Variants in LINGO2 observed in about 807,000 individuals in gnomAD.
LINGO2 encodes leucine rich repeat and Ig domain containing 2, also known as leucine-rich repeat and immunoglobulin-like domain-containing nogo receptor-interacting protein 2.
A neutral mutation model predicts 30.6 loss-of-function variants in LINGO2; 14 were observed. The observed-to-expected ratio is 0.46, with a 90% CI of 0.30 to 0.72. LINGO2 has a LOEUF of 0.72. Ranked by LOEUF, LINGO2 falls within the 30% of genes least tolerant of loss-of-function variation. The pLI is 0.07. For missense variants in LINGO2, 729 were observed against 751.7 expected (o/e 0.97, Z 0.35); for synonymous variants, 317 against 288.5 (o/e 1.10, Z -1.00).
chr9:28,948,005 T>A, the LINGO2 span, among the ~76,000 whole-genome samples: 1 of 152,058 alleles, frequency 6.6e-6, no homozygotes, highest in African/African-American at 2.4e-5. Flanking sequence ...CACATCATTC[T>A]CCATCTTGCT....
the LINGO2 span, among the ~76,000 whole-genome samples, chr9:29,069,950 G>T: frequency 6.6e-6 from 1 of 151,706 alleles, no homozygotes; most frequent in Non-Finnish European, 1.5e-5. Flanking sequence ...ACAGCCAGGC[G>T]GGATAGTTAT....
intron 1 of LINGO2, among the ~76,000 whole-genome samples, chr9:28,499,607 C>A (rs62557823): frequency 6.6e-6 from 1 of 152,124 alleles, no homozygotes; most frequent in Non-Finnish European, 1.5e-5. Flanking sequence ...TTTTACTAAT[C>A]CTAGTTTTCT....
the LINGO2 span, among the ~76,000 whole-genome samples, chr9:29,189,763 A>G: frequency 2.0e-5 from 3 of 152,094 alleles, no homozygotes; most frequent in South Asian, 2.1e-4. Context: ...CAATCCCGGC[A>G]CCTCGGGAGG....
the LINGO2 span, among the ~76,000 whole-genome samples, chr9:28,683,731 T>A: frequency 6.6e-6 from 1 of 152,330 alleles, no homozygotes; most frequent in East Asian, 1.9e-4. Flanking sequence ...CAATCAAGCT[T>A]TATCATGAAA....
At chr9:28,180,446 G>C (rs1301282066) in intron 4 of LINGO2, among the ~76,000 whole-genome samples, 1 of 152,070 alleles carries the variant, frequency 6.6e-6, no homozygotes, top group Non-Finnish European at 1.5e-5. Flanking sequence ...CTTCTGTTTT[G>C]CATTAACATA....
chr9:29,103,937 C>T, the LINGO2 span, among the ~76,000 whole-genome samples: 1 of 152,240 alleles, frequency 6.6e-6, no homozygotes, highest in South Asian at 2.1e-4. Context: ...AGTCACGTAA[C>T]CTTTCTGGGC....
At chr9:28,671,966 G>A (rs1829036680), upstream of LINGO2, among the ~76,000 whole-genome samples, 1 of 152,002 alleles carries the variant, frequency 6.6e-6, no homozygotes, top group South Asian at 2.1e-4. Flanking sequence ...GCTACTATCA[G>A]AAATTAAATA....
chr9:28,887,644 T>C, the LINGO2 span, among the ~76,000 whole-genome samples: 1 of 152,062 alleles, frequency 6.6e-6, no homozygotes, highest in Admixed American at 6.6e-5. Context: ...CTCAGCCACA[T>C]CCAGCAGTGT....
the LINGO2 span, among the ~76,000 whole-genome samples, chr9:28,699,401 C>A: frequency 1.3e-5 from 2 of 152,000 alleles, no homozygotes; most frequent in South Asian, 4.1e-4. Context: ...TAATTTCTTA[C>A]GCCTGTCTTA....
chr9:28,125,280 G>T (rs986451781), intron 4 of LINGO2, among the ~76,000 whole-genome samples: 4 of 152,158 alleles, frequency 2.6e-5, no homozygotes, highest in South Asian at 4.1e-4. Flanking sequence ...GGCTTAAAGA[G>T]AAATAAAAGA....
intron 2 of LINGO2, among the ~76,000 whole-genome samples, chr9:28,455,585 TGG>T (rs1161655621): frequency 1.4e-4 from 21 of 152,106 alleles, no homozygotes; most frequent in Non-Finnish European, 2.9e-5. Context: ...AAGATAGGTA[TGG>T]GTTTTGAGAA....
chr9:27,965,330 A>C (rs185800065), intron 5 of LINGO2, among the ~76,000 whole-genome samples: 1 of 150,862 alleles, frequency 6.6e-6, no homozygotes, highest in African/African-American at 2.4e-5. Context: ...TACTTCTCTC[A>C]TGCTTTATCA....
the LINGO2 span, among the ~76,000 whole-genome samples, chr9:28,682,711 T>C: frequency 9.9e-4 from 150 of 152,130 alleles, 2 homozygotes; most frequent in Non-Finnish European, 1.3e-3. Context: ...ATATTTAAAA[T>C]AATTTGCAAG....
the LINGO2 span, among the ~76,000 whole-genome samples, chr9:28,848,169 GTATATATACACAC>G: frequency 1.2e-5 from 1 of 83,020 alleles, no homozygotes; most frequent in Non-Finnish European, 2.1e-5. Context: ...TATATAGTGT[GTATATATACACAC>G]TATATATACA....
chr9:28,254,377 C>G (rs1822309892), intron 4 of LINGO2, among the ~76,000 whole-genome samples: 1 of 151,906 alleles, frequency 6.6e-6, no homozygotes, highest in Non-Finnish European at 1.5e-5. Context: ...AAAGGTTGCC[C>G]CTAACCACGC....
intron 4 of LINGO2, among the ~76,000 whole-genome samples, chr9:28,256,623 T>G (rs766655940): frequency 2.6e-5 from 4 of 151,896 alleles, no homozygotes; most frequent in South Asian, 4.1e-4. Flanking sequence ...AATAATTTAA[T>G]GCAGCCAGCT....
chr9:27,958,736 A>G (rs967278765), intron 5 of LINGO2, among the ~76,000 whole-genome samples: 2 of 151,854 alleles, frequency 1.3e-5, no homozygotes, highest in African/African-American at 4.9e-5. Context: ...TCAGGCATCC[A>G]CCAGGGAACT....
chr9:28,488,978 A>C (rs1826280542), intron 1 of LINGO2, among the ~76,000 whole-genome samples: 1 of 152,228 alleles, frequency 6.6e-6, no homozygotes, highest in Non-Finnish European at 1.5e-5. Context: ...AAATGTTTTG[A>C]AATAAATTAT....
chr9:29,021,180 G>A, the LINGO2 span, among the ~76,000 whole-genome samples: 1 of 152,150 alleles, frequency 6.6e-6, no homozygotes, highest in African/African-American at 2.4e-5. Context: ...ATTTAGAACA[G>A]TTTTGAAATC....
Sources: gnomAD v4.1 joint callset for allele counts (sites outside exome capture counted in the v4.1 genomes callset) on GRCh38, gnomAD v4.1.1 for gene constraint, MANE v1.5 for transcripts, NCBI Gene and HGNC (gene_info 2026-07-23, HGNC 2026-07-21) for gene names.